The following NUDCD3 variants were observed in gnomAD, a reference collection of about 807,000 sequenced individuals.
The protein encoded by NUDCD3 is nudC domain-containing protein 3.
NUDCD3 carries 13 observed loss-of-function variants against 39.7 expected under a neutral mutation model. The ratio of observed to expected loss-of-function variants is 0.33; its 90% CI spans 0.21 to 0.52. The LOEUF is 0.52. Ranked by LOEUF, NUDCD3 falls within the 20% of genes least tolerant of loss-of-function variation. NUDCD3 has a pLI of 0.96. For synonymous variants in NUDCD3, 175 were observed against 172.4 expected (o/e 1.02, Z -0.12); for missense variants, 453 against 458.1 (o/e 0.99, Z 0.10).
At chr7:44,404,628 CACTGGTGTGCTGT>C in intron 3 of NUDCD3, 45 bp from the exon 4 acceptor site, 1 of 1,601,902 alleles carries the variant, frequency 6.2e-7, no homozygotes, top group East Asian at 2.2e-5. Flanking sequence ...TCAGGGTGAC[CACTGGTGTGCTGT>C]ACGGTGGGAG....
chr7:44,478,005 T>C (rs1186657400), intron 2 of NUDCD3, among the ~76,000 whole-genome samples: 1 of 151,972 alleles, frequency 6.6e-6, no homozygotes, highest in African/African-American at 2.4e-5. Flanking sequence ...GGTTAATTTT[T>C]TGTATTTTTA....
intron 3 of NUDCD3, among the ~76,000 whole-genome samples, chr7:44,422,345 T>C (rs1799155447): frequency 6.6e-6 from 1 of 151,682 alleles, no homozygotes; most frequent in Non-Finnish European, 1.5e-5. Context: ...AATCAATGAA[T>C]CCAGGAGCTG....
intron 2 of NUDCD3, among the ~76,000 whole-genome samples, chr7:44,469,129 A>C (rs1349388355): frequency 1.3e-5 from 2 of 149,782 alleles, no homozygotes; most frequent in African/African-American, 2.4e-5. Flanking sequence ...AAAAAAAAAA[A>C]AAAAAAAAAA....
chr7:44,405,271 C>T (rs940939865), intron 3 of NUDCD3, among the ~76,000 whole-genome samples: 1 of 152,246 alleles, frequency 6.6e-6, no homozygotes, highest in Non-Finnish European at 1.5e-5. Flanking sequence ...CTGAGCCTGT[C>T]CTAGGCAGAG....
chr7:44,426,182 G>C, intron 3 of NUDCD3: 1 of 985,244 alleles, frequency 1.0e-6, no homozygotes, highest in Non-Finnish European at 1.2e-6. Context: ...GGGTGACCGG[G>C]TGTTTGTAGC....
At chr7:44,398,584 A>G (rs1798664649) in intron 4 of NUDCD3, among the ~76,000 whole-genome samples, 1 of 152,212 alleles carries the variant, frequency 6.6e-6, no homozygotes, top group Non-Finnish European at 1.5e-5. Context: ...CCACCTCAAC[A>G]TGAATAAACT....
At chr7:44,416,025 G>C (rs576749291) in intron 3 of NUDCD3, among the ~76,000 whole-genome samples, 1 of 151,864 alleles carries the variant, frequency 6.6e-6, no homozygotes, top group Admixed American at 6.6e-5. Context: ...TTTTAAGTGA[G>C]GTACGACTAA....
At chr7:44,439,424 G>C (rs1224758851) in intron 2 of NUDCD3, among the ~76,000 whole-genome samples, 1 of 152,124 alleles carries the variant, frequency 6.6e-6, no homozygotes, top group East Asian at 1.9e-4. Context: ...CCTAGAAGCA[G>C]GAGCCACGTG....
intron 2 of NUDCD3, among the ~76,000 whole-genome samples, chr7:44,431,873 T>C (rs995731313): frequency 3.3e-5 from 5 of 152,106 alleles, no homozygotes; most frequent in South Asian, 2.1e-4. Flanking sequence ...GGTTTCACCA[T>C]GTTGGCCGGG....
At chr7:44,395,235 T>C (rs748794959) in intron 4 of NUDCD3, among the ~76,000 whole-genome samples, 5 of 152,220 alleles carry the variant, frequency 3.3e-5, no homozygotes, top group Non-Finnish European at 5.9e-5. Context: ...GAGCCACCTG[T>C]CAAGTGTTTA....
chr7:44,397,693 T>C (rs1798649099), intron 4 of NUDCD3, among the ~76,000 whole-genome samples: 1 of 152,214 alleles, frequency 6.6e-6, no homozygotes, highest in South Asian at 2.1e-4. Flanking sequence ...CAGCTGTGTG[T>C]CTGTACACAG....
chr7:44,460,779 C>G (rs775069260), intron 2 of NUDCD3, among the ~76,000 whole-genome samples: 12 of 152,150 alleles, frequency 7.9e-5, no homozygotes, highest in Non-Finnish European at 1.5e-4. Flanking sequence ...AGTTTAAACC[C>G]TGGATCCAGT....
chr7:44,390,172 C>G (rs778039125), intron 5 of NUDCD3, among the ~76,000 whole-genome samples: 12 of 152,088 alleles, frequency 7.9e-5, no homozygotes, highest in Admixed American at 3.3e-4. Flanking sequence ...CGAGACCAGC[C>G]TGGCCAACAT....
chr7:44,410,282 A>T (rs1047512493), intron 3 of NUDCD3, among the ~76,000 whole-genome samples: 1 of 152,228 alleles, frequency 6.6e-6, no homozygotes, highest in Non-Finnish European at 1.5e-5. Flanking sequence ...TAAAATCTTC[A>T]GAACTTACTA....
intron 2 of NUDCD3, among the ~76,000 whole-genome samples, chr7:44,448,917 C>T (rs530653654): frequency 5.3e-4 from 81 of 152,310 alleles, no homozygotes; most frequent in African/African-American, 1.9e-3. Context: ...AGAAGGTGCC[C>T]TGAGCTTGGG....
chr7:44,478,317 G>A (rs975212987), intron 2 of NUDCD3, among the ~76,000 whole-genome samples: 25 of 152,300 alleles, frequency 1.6e-4, no homozygotes, highest in African/African-American at 4.8e-4. Context: ...TTGGGAGACC[G>A]AGATGGGTGG....
chr7:44,465,929 A>C (rs1348689323), intron 2 of NUDCD3, among the ~76,000 whole-genome samples: 4 of 152,250 alleles, frequency 2.6e-5, no homozygotes, highest in African/African-American at 9.6e-5. Flanking sequence ...TCTAAATAAA[A>C]GCTAGAGCAG....
In NUDCD3 at chr7:44,459,997, A is replaced by G. The variant is rs144631529; in HGVS notation, c.509+24971T>C. On this transcript the variant is annotated intron_variant, in intron 2 of 5. Transcript: ENST00000355451. ...GAATTCATTTTAAAGAAATCAAACAATATTAAAGAACAGTCTTGAGCCCTT... is the reference window on the plus strand; with the variant it reads ...GAATTCATTTTAAAGAAATCAAACAGTATTAAAGAACAGTCTTGAGCCCTT... Among the ~76,000 whole-genome samples the G allele has an allele frequency of 3.9e-3, 595 of 152,356 alleles. 1 individual carries two copies. Among genetic ancestry groups the G allele is most frequent in the Non-Finnish European group, 7.2e-3 (490 of 68,028 alleles).
chr7:44,460,670 AT>A (rs777421736), intron 2 of NUDCD3, among the ~76,000 whole-genome samples: 7 of 152,230 alleles, frequency 4.6e-5, no homozygotes, highest in Non-Finnish European at 8.8e-5. Context: ...CCTCAAAAAA[AT>A]AAACAGCTAT....
Sources: gnomAD v4.1 joint callset for allele counts (sites outside exome capture counted in the v4.1 genomes callset) on GRCh38, gnomAD v4.1.1 for gene constraint, MANE v1.5 for transcripts, NCBI Gene and HGNC (gene_info 2026-07-23, HGNC 2026-07-21) for gene names.